Variants in TTPA observed in about 807,000 individuals in gnomAD.
TTPA encodes alpha-tocopherol transfer protein.
Under a neutral mutation model 25.9 loss-of-function variants are expected in TTPA, and 23 were observed. That is an observed-to-expected ratio of 0.89 (90% CI 0.64 to 1.26). The LOEUF (loss-of-function observed/expected upper bound fraction) is 1.26. Among genes scored for constraint, TTPA ranks in the 50% most tolerant of loss-of-function variants. The pLI, the probability that TTPA is intolerant of heterozygous loss-of-function variation, is 0.00. For synonymous variants in TTPA, 148 were observed against 137.3 expected (o/e 1.08, Z -0.54); for missense variants, 337 against 353.1 (o/e 0.95, Z 0.37).
chr8:63,075,436 C>T (rs1805546626), intron 1 of TTPA, among the ~76,000 whole-genome samples: 1 of 151,938 alleles, frequency 6.6e-6, no homozygotes, highest in Non-Finnish European at 1.5e-5. Context: ...AAGTAAAGCT[C>T]CAGCCAGGCA....
At chr8:63,078,055 G>C (rs1395415377) in intron 1 of TTPA, among the ~76,000 whole-genome samples, 1 of 152,176 alleles carries the variant, frequency 6.6e-6, no homozygotes, top group Non-Finnish European at 1.5e-5. Context: ...GTCTGGAATG[G>C]ACCTCCAGCA....
chr8:63,075,153 CACA>C lies in TTPA; in HGVS notation c.205-2068_205-2066del, dbSNP rs1192522643. Among the ~76,000 whole-genome samples the C allele has an allele frequency of 6.6e-5, 10 of 152,256 alleles. No homozygotes were observed. In the East Asian group the frequency reaches 1.7e-3, roughly 26 times the overall value. ...ATTCTCAAACAAACCACCCTATGTCCACAACAACAACAAAGAAGTGGCTAAAAA... is the reference window on the plus strand; with the variant it reads ...ATTCTCAAACAAACCACCCTATGTCCACAACAACAAAGAAGTGGCTAAAAA... On this transcript the variant is annotated intron_variant, in intron 1 of 4. Coordinates refer to ENST00000260116, the MANE Select transcript of TTPA (RefSeq NM_000370.3).
At chr8:63,079,650 G>A (rs1279281918) in intron 1 of TTPA, among the ~76,000 whole-genome samples, 3 of 152,104 alleles carry the variant, frequency 2.0e-5, no homozygotes, top group Admixed American at 6.5e-5. Flanking sequence ...CCCAATACAG[G>A]AGCACCCAGA....
At chr8:63,066,654 CAG>C (rs1563361714) in intron 2 of TTPA, among the ~76,000 whole-genome samples, 1 of 152,124 alleles carries the variant, frequency 6.6e-6, no homozygotes, top group African/African-American at 2.4e-5. Context: ...CAAAGAGAAA[CAG>C]GGAGTACCTG....
chr8:63,075,694 G>A (rs1441042098), intron 1 of TTPA, among the ~76,000 whole-genome samples: 6 of 113,258 alleles, frequency 5.3e-5, no homozygotes, highest in African/African-American at 1.4e-4. Flanking sequence ...GCCAGACTCC[G>A]TCTCAAAAAA....
intron 1 of TTPA, among the ~76,000 whole-genome samples, chr8:63,085,267 C>T (rs1335861165): frequency 1.3e-5 from 2 of 152,240 alleles, no homozygotes; most frequent in African/African-American, 4.8e-5. Context: ...AACTGCCCGA[C>T]TACAACCCAG....
downstream of TTPA, among the ~76,000 whole-genome samples, chr8:63,059,321 C>G (rs1805262215): frequency 1.3e-5 from 2 of 151,502 alleles, no homozygotes; most frequent in Non-Finnish European, 2.9e-5. Context: ...CGTGAGCCAC[C>G]GCGCCCGGCC....
chr8:63,081,109 GA>G (rs1805657484), intron 1 of TTPA, among the ~76,000 whole-genome samples: 1 of 151,428 alleles, frequency 6.6e-6, no homozygotes, highest in Non-Finnish European at 1.5e-5. Context: ...CCAATCAATA[GA>G]AAAAGAGGGG....
chr8:63,083,872 GTTTTTTTT>G (rs1424208255), intron 1 of TTPA, among the ~76,000 whole-genome samples: 1 of 150,256 alleles, frequency 6.7e-6, no homozygotes, highest in African/African-American at 2.4e-5. Context: ...GAGTTATAGA[GTTTTTTTT>G]CTTTTTTTTC....
intron 2 of TTPA, among the ~76,000 whole-genome samples, 165 bp downstream of exon 2, chr8:63,072,770 A>G (rs2129762069): frequency 6.6e-6 from 1 of 152,348 alleles, no homozygotes; most frequent in South Asian, 2.1e-4. Context: ...ATCTAAGTTA[A>G]AACCTAAAAT....
chr8:63,059,125 G>A (rs1399667595), downstream of TTPA, among the ~76,000 whole-genome samples: 138 of 132,998 alleles, frequency 1.0e-3, 1 homozygote, highest in African/African-American at 3.6e-3. Flanking sequence ...TCCGCCTCCC[G>A]GGTTCACGCC....
intron 2 of TTPA, among the ~76,000 whole-genome samples, chr8:63,066,889 A>G (rs1451641734): frequency 6.6e-6 from 1 of 152,176 alleles, no homozygotes; most frequent in Non-Finnish European, 1.5e-5. Flanking sequence ...TCGAGAAAGT[A>G]AGAAAGCAGG....
intron 3 of TTPA, among the ~76,000 whole-genome samples, chr8:63,064,742 A>G (rs1805362015): frequency 6.6e-6 from 1 of 152,206 alleles, no homozygotes; most frequent in East Asian, 1.9e-4. Context: ...ACATTGGTAT[A>G]TGTCTTTAGC....
At chr8:63,085,750 G>C (rs1585698324) in intron 1 of TTPA, 68 bp downstream of exon 1, 1 of 1,509,414 alleles carries the variant, frequency 6.6e-7, no homozygotes, top group Non-Finnish European at 8.8e-7. Flanking sequence ...CAGATATCCG[G>C]GGTCGTGGGG....
intron 1 of TTPA, among the ~76,000 whole-genome samples, chr8:63,082,329 A>G (rs1805676723): frequency 6.6e-6 from 1 of 152,182 alleles, no homozygotes; most frequent in Non-Finnish European, 1.5e-5. Context: ...GGCCTCAGAA[A>G]TAACACCACA....
At chr8:63,076,336 C>T (rs998580751) in intron 1 of TTPA, among the ~76,000 whole-genome samples, 1 of 152,116 alleles carries the variant, frequency 6.6e-6, no homozygotes, top group East Asian at 1.9e-4. Context: ...GTGACTGAGG[C>T]ACTTATCAAG....
At chr8:63,067,571 C>T (rs1254118040) in intron 2 of TTPA, among the ~76,000 whole-genome samples, 1 of 149,956 alleles carries the variant, frequency 6.7e-6, no homozygotes, top group Non-Finnish European at 1.5e-5. Flanking sequence ...AAAGTTCTGG[C>T]ATGGGAAACT....
chr8:63,065,171 G>A (rs545356017), intron 3 of TTPA, among the ~76,000 whole-genome samples: 4 of 152,262 alleles, frequency 2.6e-5, no homozygotes, highest in Non-Finnish European at 5.9e-5. Flanking sequence ...TGATGCTGCA[G>A]TAACTGTCTT....
In TTPA at chr8:63,060,118, A is replaced by AT. The variant is rs1362597333; in HGVS notation, c.*1133dup. ...AAAATACCAGATGTAATTGACAGTAATTTTTTAAAATGTAAACATTTCCTT... is the reference window on the plus strand; with the variant it reads ...AAAATACCAGATGTAATTGACAGTAATTTTTTTAAAATGTAAACATTTCCTT... On this transcript the variant is annotated 3_prime_UTR_variant, in exon 5 of 5. Transcript: ENST00000260116. The AT allele has an allele frequency of 6.6e-6, 1 of 152,196 alleles. No individual in the cohort carries two copies. The highest frequency in any genetic ancestry group is 1.5e-5 in the Non-Finnish European group (1 of 68,034). The allele number at this position is 152,196 out of a possible 1,614,324, so 9.4% of individuals were successfully genotyped here.
Sources: gnomAD v4.1 joint callset for allele counts (sites outside exome capture counted in the v4.1 genomes callset) on GRCh38, gnomAD v4.1.1 for gene constraint, MANE v1.5 for transcripts, NCBI Gene and HGNC (gene_info 2026-07-23, HGNC 2026-07-21) for gene names.